PCNX2: variants seen among roughly 807,000 people sequenced by gnomAD.
PCNX2 encodes the protein pecanex-like protein 2.
A neutral mutation model predicts 223.8 loss-of-function variants in PCNX2; 168 were observed. That is an observed-to-expected ratio of 0.75 (90% CI 0.66 to 0.85). The LOEUF is 0.85. Among genes scored for constraint, PCNX2 ranks in the 40% least tolerant of loss-of-function variants. The pLI is 0.00. For synonymous variants in PCNX2, 1,006 were observed against 1,052.6 expected, an observed-to-expected ratio of 0.96 and a Z score of 0.86; for missense variants, 2,507 against 2,675.5, an observed-to-expected ratio of 0.94 and a Z score of 1.39.
intron 1 of PCNX2, chr1:233,294,074 T>C: frequency 5.0e-6 from 4 of 804,666 alleles, no homozygotes; most frequent in Non-Finnish European, 6.0e-6. Context: ...TGTGAAGTGG[T>C]GATTGTGATG....
chr1:233,076,325 G>C (rs1673095318), intron 23 of PCNX2, among the ~76,000 whole-genome samples: 1 of 152,130 alleles, frequency 6.6e-6, no homozygotes, highest in Non-Finnish European at 1.5e-5. Flanking sequence ...AGATGAACCG[G>C]GCTTTTGACA....
At chr1:233,228,812 T>A (rs1421202838) in intron 9 of PCNX2, among the ~76,000 whole-genome samples, 5 of 152,238 alleles carry the variant, frequency 3.3e-5, no homozygotes. Flanking sequence ...TCAATTCTTT[T>A]GGATATACAC....
At chr1:233,267,086 A>G (rs898045118) in intron 1 of PCNX2, among the ~76,000 whole-genome samples, 1 of 152,194 alleles carries the variant, frequency 6.6e-6, no homozygotes, top group African/African-American at 2.4e-5. Context: ...TGGGAGGCCA[A>G]GGTGGGCGGA....
At chr1:233,033,243 C>T in intron 25 of PCNX2, 7 of 958,018 alleles carry the variant, frequency 7.3e-6, no homozygotes, top group Non-Finnish European at 8.7e-6. Flanking sequence ...TTATTTATTC[C>T]CACCTAATTT....
chr1:233,325,918 C>T, the PCNX2 span, among the ~76,000 whole-genome samples: 10 of 152,260 alleles, frequency 6.6e-5, no homozygotes, highest in African/African-American at 2.4e-4. Flanking sequence ...AGAAGTCTTT[C>T]GTGAAAGGTA....
At chr1:233,129,219 G>A (rs371429404) in intron 21 of PCNX2, among the ~76,000 whole-genome samples, 126 of 135,702 alleles carry the variant, frequency 9.3e-4, no homozygotes, top group African/African-American at 2.9e-3. Context: ...CACTCAGAGC[G>A]GCCCCGGGCA....
chr1:233,120,717 T>C (rs1341886075), intron 21 of PCNX2, among the ~76,000 whole-genome samples: 1 of 152,196 alleles, frequency 6.6e-6, no homozygotes, highest in Non-Finnish European at 1.5e-5. Flanking sequence ...TGTAACATTC[T>C]TGAAACATCA....
intron 33 of PCNX2, chr1:232,985,020 TAAAG>T (rs989364389): frequency 6.6e-6 from 1 of 152,160 alleles, no homozygotes; most frequent in Non-Finnish European, 1.5e-5. Flanking sequence ...ATTGAGGAAA[TAAAG>T]AAAAGGGAGG....
chr1:233,264,991 A>T (rs1660251199), intron 1 of PCNX2, among the ~76,000 whole-genome samples: 1 of 152,164 alleles, frequency 6.6e-6, no homozygotes, highest in African/African-American at 2.4e-5. Flanking sequence ...TAATCTCAGC[A>T]CTTTGGGAGG....
intron 28 of PCNX2, among the ~76,000 whole-genome samples, chr1:233,002,984 C>A (rs1161488232): frequency 2.6e-5 from 4 of 152,198 alleles, no homozygotes; most frequent in East Asian, 3.9e-4. Flanking sequence ...CCCTTCCTTA[C>A]ACCTTATACA....
chr1:233,034,078 G>A (rs1433120003), intron 25 of PCNX2, among the ~76,000 whole-genome samples: 1 of 152,130 alleles, frequency 6.6e-6, no homozygotes, highest in African/African-American at 2.4e-5. Context: ...CGGGCGTGGT[G>A]GCGTGCACCT....
At chr1:233,232,702 G>T in intron 9 of PCNX2, 1 of 652,626 alleles carries the variant, frequency 1.5e-6, no homozygotes, top group Non-Finnish European at 1.9e-6. Flanking sequence ...ATTCTTATGA[G>T]TTCTTGTTAA....
chr1:233,040,244 C>T (rs950264446), intron 25 of PCNX2, among the ~76,000 whole-genome samples: 40 of 152,204 alleles, frequency 2.6e-4, no homozygotes, highest in African/African-American at 8.9e-4. Flanking sequence ...CAGCCTTACA[C>T]TAATAAGGAT....
intron 19 of PCNX2, among the ~76,000 whole-genome samples, chr1:233,150,905 A>G (rs73109218): frequency 2.3e-4 from 35 of 152,158 alleles, no homozygotes; most frequent in Non-Finnish European, 4.7e-4. Flanking sequence ...TTTAAAACTG[A>G]AAAAGCGAAT....
chr1:233,282,180 T>A (rs1463815288), intron 1 of PCNX2, among the ~76,000 whole-genome samples: 3 of 152,146 alleles, frequency 2.0e-5, no homozygotes, highest in Non-Finnish European at 4.4e-5. Context: ...ACAATGGAAA[T>A]GCTCTCCTTG....
At chr1:233,083,251 C>A (rs1035762375) in intron 23 of PCNX2, among the ~76,000 whole-genome samples, 2 of 152,074 alleles carry the variant, frequency 1.3e-5, no homozygotes, top group Non-Finnish European at 2.9e-5. Flanking sequence ...AGGTCTAGAC[C>A]ATTTCACACA....
chr1:233,120,164 CAAAAAAAAA>C (rs1228898502), intron 21 of PCNX2, among the ~76,000 whole-genome samples: 193 of 42,656 alleles, frequency 4.5e-3, no homozygotes, highest in African/African-American at 0.017. Flanking sequence ...GACTCCATTT[CAAAAAAAAA>C]AAAAAAAAAA....
At chr1:233,298,063 A>G (rs901135315), upstream of PCNX2, among the ~76,000 whole-genome samples, 4 of 152,124 alleles carry the variant, frequency 2.6e-5, no homozygotes, top group Non-Finnish European at 5.9e-5. Flanking sequence ...CAGGGAGAGA[A>G]TGTTTCTGAA....
intron 8 of PCNX2, among the ~76,000 whole-genome samples, chr1:233,249,647 A>T (rs892159100): frequency 6.6e-6 from 1 of 152,186 alleles, no homozygotes; most frequent in Non-Finnish European, 1.5e-5. Flanking sequence ...CATGAACAAG[A>T]TTTCTGTTTC....
Sources: allele counts gnomAD v4.1 joint callset (sites outside exome capture counted in the v4.1 genomes callset), GRCh38; gene constraint gnomAD v4.1.1; transcripts MANE v1.5; gene names NCBI Gene and HGNC (gene_info 2026-07-23, HGNC 2026-07-21).